DDHD1: variants seen among roughly 807,000 people sequenced by gnomAD.
DDHD1 encodes the protein DDHD domain containing 1, also known as phospholipase DDHD1.
In DDHD1, 49 loss-of-function variants were observed where a neutral mutation model predicts 96.4. The ratio of observed to expected loss-of-function variants is 0.51; its 90% CI spans 0.40 to 0.64. The LOEUF (loss-of-function observed/expected upper bound fraction) is 0.64. Among genes scored for constraint, DDHD1 ranks in the 30% least tolerant of loss-of-function variants. The probability of loss-of-function intolerance (pLI) is 0.00; values close to 1 mark genes in which losing one functional copy is unlikely to be tolerated. For missense variants in DDHD1, 1,106 were observed against 1,161.2 expected (o/e 0.95, Z 0.69); for synonymous variants, 442 against 446.5 (o/e 0.99, Z 0.13).
chr14:53,126,839 G>A (rs529931770), intron 1 of DDHD1, among the ~76,000 whole-genome samples: 64 of 152,078 alleles, frequency 4.2e-4, no homozygotes, highest in Non-Finnish European at 6.6e-4. Context: ...AACAATTCAC[G>A]TTACAAAAGA....
At chr14:53,102,919 A>G (rs1016091329) in intron 2 of DDHD1, 3 of 1,012,858 alleles carry the variant, frequency 3.0e-6, no homozygotes, top group Non-Finnish European at 4.4e-6. Flanking sequence ...GATTCAGTAG[A>G]GCTTGCCAAG....
At chr14:53,051,054 GTT>G (rs760678139) in intron 12 of DDHD1, among the ~76,000 whole-genome samples, 15 of 137,304 alleles carry the variant, frequency 1.1e-4, no homozygotes, top group Admixed American at 1.5e-4. Flanking sequence ...TAATGTAAGA[GTT>G]TTTTTTTTTT....
rs1244611250 is a variant in DDHD1, at chr14:53,093,448, T to C, written c.1013-4A>G. 4 of 1,605,178 alleles carry C rather than the reference T, an allele frequency of 2.5e-6. No homozygotes were observed. Among genetic ancestry groups the C allele is most frequent in the Non-Finnish European group, 3.4e-6 (4 of 1,177,614 alleles). Reference sequence around the variant, plus strand: ...CTCAACTTGAAACTATGAACAGCTATTGCAAAAAGGAAAAGCTAATTTGAA... The same window carrying C: ...CTCAACTTGAAACTATGAACAGCTACTGCAAAAAGGAAAAGCTAATTTGAA... On this transcript the variant is annotated splice_region_variant and splice_polypyrimidine_tract_variant and intron_variant, in intron 2 of 12. Coordinates refer to ENST00000673822, the MANE Select transcript of DDHD1 (RefSeq NM_001160148.2).
At chr14:53,120,200 T>C (rs767128829) in intron 1 of DDHD1, among the ~76,000 whole-genome samples, 4 of 152,178 alleles carry the variant, frequency 2.6e-5, no homozygotes, top group South Asian at 2.1e-4. Context: ...CTATTCACAA[T>C]TGCTAGAAGC....
chr14:53,068,530 C>T (rs1255662369), intron 6 of DDHD1, among the ~76,000 whole-genome samples: 2 of 152,100 alleles, frequency 1.3e-5, no homozygotes, highest in African/African-American at 2.4e-5. Flanking sequence ...GGATTACAGG[C>T]GTGTGCCACT....
At chr14:53,094,413 T>C (rs1886698575) in intron 2 of DDHD1, among the ~76,000 whole-genome samples, 1 of 152,130 alleles carries the variant, frequency 6.6e-6, no homozygotes, top group African/African-American at 2.4e-5. Context: ...TTCAAATCAG[T>C]ATGGTTGGCT....
At position 53,058,745 on chromosome 14, in the gene DDHD1, G is replaced by A. The variant is rs574766004; in HGVS notation, c.1843-119C>T. ...TAATAAAATATCTTTGAGTATATTC[G>A]TTTTTAATAAGAGTTATCCAGATGG... On this transcript the variant is annotated intron_variant, in intron 8 of 12. Coordinates refer to ENST00000673822, the MANE Select transcript of DDHD1 (RefSeq NM_001160148.2). 50 of 915,874 alleles carry A rather than the reference G, an allele frequency of 5.5e-5. No individual in the cohort carries two copies. The African/African-American group carries it at 6.2e-4, about 11-fold the overall frequency. The allele number at this position is 915,874 out of a possible 1,614,324, so 56.7% of individuals were successfully genotyped here. A position where few individuals can be genotyped will look rare whatever the true frequency, so the allele number is the denominator to read the frequency against.
At chr14:53,060,290 A>G (rs774867035) in intron 8 of DDHD1, among the ~76,000 whole-genome samples, 7 of 152,204 alleles carry the variant, frequency 4.6e-5, no homozygotes, top group Non-Finnish European at 7.3e-5. Context: ...AGTCTAGTCA[A>G]TGCTGACACC....
Position 53,061,092 on chromosome 14 carries a change from A to C in DDHD1, c.1842+34T>G. The C allele has an allele frequency of 1.3e-6, 2 of 1,575,304 alleles. 1 individual carries two copies. The highest frequency in any genetic ancestry group is 2.3e-5 in the South Asian group (2 of 86,358). ...ACATGACGTTAAAAAAAATACTGAG[A>C]TCAATGTTGAAGAACACATTGCTCT... On this transcript the variant is annotated intron_variant, in intron 8 of 12. Coordinates refer to ENST00000673822, the MANE Select transcript of DDHD1 (RefSeq NM_001160148.2).
In DDHD1 at chr14:53,040,616, G is replaced by A. The variant is rs1315076944; in HGVS notation, c.*6152C>T. 1 of 152,112 alleles carries A rather than the reference G, an allele frequency of 6.6e-6. No homozygotes were observed. Among genetic ancestry groups the A allele is most frequent in the Non-Finnish European group, 1.5e-5 (1 of 68,018 alleles). The allele number at this position is 152,112 out of a possible 1,614,324, so 9.4% of individuals were successfully genotyped here. ...AGTTCCAGCTGAGAAAATCAGAACTGGACAATGCCAGAATAAAAGTTTAAA... is the reference window on the plus strand; with the variant it reads ...AGTTCCAGCTGAGAAAATCAGAACTAGACAATGCCAGAATAAAAGTTTAAA... On this transcript the variant is annotated 3_prime_UTR_variant, in exon 13 of 13. Coordinates refer to ENST00000673822, the MANE Select transcript of DDHD1 (RefSeq NM_001160148.2).
At position 53,137,714 on chromosome 14, in the gene DDHD1, CAAGAT is replaced by C. The variant is rs1272100370; in HGVS notation, c.838+14542_838+14546del. On this transcript the variant is annotated intron_variant, in intron 1 of 12. Transcript: ENST00000673822. ...TACTGACTTACATGTAGTAGGAATC[CAAGAT>C]AAGGGGTAGGATGAACAGAAAAATA... Among the ~76,000 whole-genome samples, 3 of 151,966 alleles carry C rather than the reference CAAGAT, an allele frequency of 2.0e-5. No individual in the cohort carries two copies. The East Asian group carries it at 5.8e-4, about 29-fold the overall frequency.
intron 12 of DDHD1, among the ~76,000 whole-genome samples, chr14:53,049,657 C>G (rs1241090809): frequency 3.5e-5 from 3 of 84,718 alleles, no homozygotes; most frequent in African/African-American, 8.9e-5. Context: ...TGAGCTAGGT[C>G]AAAAAAAAAA....
chr14:53,085,521 C>A (rs1359249974), intron 4 of DDHD1, among the ~76,000 whole-genome samples: 2 of 152,196 alleles, frequency 1.3e-5, no homozygotes, highest in African/African-American at 4.8e-5. Flanking sequence ...TGGAGTGGAC[C>A]TCCAGCAAAC....
At chr14:53,093,078 G>C in intron 3 of DDHD1, 1 of 247,728 alleles carries the variant, frequency 4.0e-6, no homozygotes, top group East Asian at 1.0e-4. Context: ...TGTGCTTTTA[G>C]AAGTATAAAA....
chr14:53,058,183 C>A (rs1417036051), intron 9 of DDHD1, among the ~76,000 whole-genome samples: 1 of 151,978 alleles, frequency 6.6e-6, no homozygotes, highest in Non-Finnish European at 1.5e-5. Flanking sequence ...GTCACCCAAG[C>A]TGGAGTGCAG....
intron 6 of DDHD1, among the ~76,000 whole-genome samples, chr14:53,067,257 C>T (rs978302610): frequency 7.3e-5 from 11 of 151,216 alleles, no homozygotes; most frequent in African/African-American, 2.7e-4. Context: ...CTCCTGGGTT[C>T]AAGAGATTCT....
At chr14:53,152,157 TCA>T in intron 1 of DDHD1, 102 bp downstream of exon 1, 11 of 1,188,984 alleles carry the variant, frequency 9.3e-6, no homozygotes, top group Non-Finnish European at 1.3e-5. Context: ...ACGCCAGGCC[TCA>T]CGCGCCTCCC....
At chr14:53,126,220 A>T (rs991011885) in intron 1 of DDHD1, among the ~76,000 whole-genome samples, 8 of 152,242 alleles carry the variant, frequency 5.3e-5, no homozygotes, top group African/African-American at 1.9e-4. Flanking sequence ...ATACATATTT[A>T]CAAATTATGT....
chr14:53,103,671 A>T lies in DDHD1; in HGVS notation c.1012+12T>A. 1.3e-6 allele frequency: 2 copies of T among 1,599,136 alleles called. No homozygotes were observed. Among genetic ancestry groups the T allele is most frequent in the South Asian group, 2.3e-5 (2 of 88,776 alleles). On this transcript the variant is annotated intron_variant, in intron 2 of 12. Coordinates refer to ENST00000673822, the MANE Select transcript of DDHD1 (RefSeq NM_001160148.2). ...GTTTGTAGAATATATTAAATGTATC[A>T]ATTGATCTTACCATCTTTTCCATCT...
Sources: allele counts gnomAD v4.1 joint callset (sites outside exome capture counted in the v4.1 genomes callset), GRCh38; gene constraint gnomAD v4.1.1; transcripts MANE v1.5; gene names NCBI Gene and HGNC (gene_info 2026-07-23, HGNC 2026-07-21).